SPATA16: variants seen among roughly 807,000 people sequenced by gnomAD.
The protein encoded by SPATA16 is spermatogenesis-associated protein 16.
In SPATA16, 36 loss-of-function variants were observed where a neutral mutation model predicts 63.3. The observed-to-expected ratio is 0.57, with a 90% CI of 0.44 to 0.75. The LOEUF is 0.75. Ranked by LOEUF, SPATA16 falls within the 30% of genes least tolerant of loss-of-function variation. The probability of loss-of-function intolerance (pLI) is 0.00; values close to 1 mark genes in which losing one functional copy is unlikely to be tolerated. For synonymous variants in SPATA16, 203 were observed against 216.7 expected, an observed-to-expected ratio of 0.94 and a Z score of 0.56; for missense variants, 646 against 679.3, an observed-to-expected ratio of 0.95 and a Z score of 0.54.
intron 5 of SPATA16, among the ~76,000 whole-genome samples, chr3:172,965,387 A>G (rs1349168386): frequency 6.6e-6 from 1 of 152,192 alleles, no homozygotes; most frequent in Non-Finnish European, 1.5e-5. Context: ...GCAGAAGTGG[A>G]ATCTTTAGCA....
chr3:173,025,529 C>A (rs1474509285), intron 3 of SPATA16, among the ~76,000 whole-genome samples: 2 of 151,820 alleles, frequency 1.3e-5, no homozygotes, highest in African/African-American at 4.8e-5. Flanking sequence ...TCTGTTTCGA[C>A]AAATACATAG....
chr3:172,972,800 G>C (rs1444253011), intron 5 of SPATA16, among the ~76,000 whole-genome samples: 2 of 152,136 alleles, frequency 1.3e-5, no homozygotes, highest in African/African-American at 4.8e-5. Context: ...AAAATGTACA[G>C]ACACTTGGCA....
In SPATA16 at chr3:173,060,113, C is replaced by T. The variant is rs369524764; in HGVS notation, c.613-11019G>A. On this transcript the variant is annotated intron_variant, in intron 2 of 10. Transcript: ENST00000351008. ...CTCTACTAAAAATATAAAAATTAGCCGGGCATGGTTGCGGGCGCCTGTAAT... is the reference window on the plus strand; with the variant it reads ...CTCTACTAAAAATATAAAAATTAGCTGGGCATGGTTGCGGGCGCCTGTAAT... Among the ~76,000 whole-genome samples the T allele has an allele frequency of 1.4e-4, 22 of 151,932 alleles. 1 individual carries two copies. The highest frequency in any genetic ancestry group is 2.6e-4 in the Admixed American group (4 of 15,268).
intron 2 of SPATA16, among the ~76,000 whole-genome samples, chr3:173,049,795 T>C (rs1236735625): frequency 6.6e-6 from 1 of 152,100 alleles, no homozygotes; most frequent in Non-Finnish European, 1.5e-5. Context: ...AAGAAAATAA[T>C]TAATTTTTTT....
intron 6 of SPATA16, among the ~76,000 whole-genome samples, chr3:172,947,709 A>G (rs977978106): frequency 2.0e-5 from 3 of 152,124 alleles, no homozygotes; most frequent in Non-Finnish European, 2.9e-5. Flanking sequence ...GTTCTCACAT[A>G]TAAGTGGGAG....
intron 2 of SPATA16, among the ~76,000 whole-genome samples, chr3:173,109,833 T>C (rs916822932): frequency 3.3e-5 from 5 of 152,184 alleles, no homozygotes; most frequent in Non-Finnish European, 7.4e-5. Context: ...AACTGTATTT[T>C]ATTTATATTT....
At chr3:172,911,101 G>T (rs1237889387) in intron 10 of SPATA16, among the ~76,000 whole-genome samples, 1 of 152,210 alleles carries the variant, frequency 6.6e-6, no homozygotes, top group African/African-American at 2.4e-5. Flanking sequence ...TTTGCTTCTT[G>T]TTTACTTCTG....
intron 4 of SPATA16, among the ~76,000 whole-genome samples, chr3:172,996,890 T>C (rs1248600186): frequency 1.3e-5 from 2 of 152,152 alleles, no homozygotes; most frequent in Non-Finnish European, 2.9e-5. Context: ...AATTGTACAA[T>C]AGGTAGTCTT....
intron 5 of SPATA16, among the ~76,000 whole-genome samples, chr3:172,967,085 A>G (rs985871990): frequency 2.6e-5 from 4 of 152,240 alleles, no homozygotes; most frequent in African/African-American, 7.2e-5. Context: ...AAATAACCTC[A>G]TGGAAACCAT....
chr3:173,121,779 A>G (rs1470258311), intron 1 of SPATA16, among the ~76,000 whole-genome samples: 1 of 152,176 alleles, frequency 6.6e-6, no homozygotes, highest in Non-Finnish European at 1.5e-5. Flanking sequence ...TATACCTTTG[A>G]AAAAGTTGTT....
At chr3:173,001,265 G>GTTTTTTTTTT (rs1553790831) in intron 4 of SPATA16, among the ~76,000 whole-genome samples, 1 of 133,972 alleles carries the variant, frequency 7.5e-6, no homozygotes, top group Non-Finnish European at 1.5e-5. Flanking sequence ...ATGCTTCTCA[G>GTTTTTTTTTT]TTGTTTTTTT....
At chr3:173,000,509 T>C (rs1698374811) in intron 4 of SPATA16, among the ~76,000 whole-genome samples, 1 of 152,184 alleles carries the variant, frequency 6.6e-6, no homozygotes, top group South Asian at 2.1e-4. Context: ...TATGATATGT[T>C]TAGGTGTAGT....
intron 2 of SPATA16, among the ~76,000 whole-genome samples, chr3:173,096,053 A>G (rs763698395): frequency 6.6e-6 from 1 of 152,110 alleles, no homozygotes; most frequent in Non-Finnish European, 1.5e-5. Context: ...ATGCTTTTAT[A>G]TAAGAACCTT....
At chr3:173,071,964 G>A (rs1385564681) in intron 2 of SPATA16, among the ~76,000 whole-genome samples, 1 of 152,200 alleles carries the variant, frequency 6.6e-6, no homozygotes, top group Non-Finnish European at 1.5e-5. Flanking sequence ...CACTGTTTGT[G>A]GGAGTGTAAA....
At chr3:172,916,238 T>C (rs1020673630) in intron 9 of SPATA16, 79 bp downstream of exon 9, 1 of 1,512,584 alleles carries the variant, frequency 6.6e-7, no homozygotes, top group Non-Finnish European at 9.0e-7. Context: ...AGGATTTTTT[T>C]TTTTTTTTTT....
intron 10 of SPATA16, among the ~76,000 whole-genome samples, chr3:172,899,365 T>A (rs1038932038): frequency 5.3e-5 from 8 of 152,030 alleles, no homozygotes; most frequent in African/African-American, 1.9e-4. Context: ...TTAATAATTT[T>A]ATTGTTATAG....
chr3:173,119,113 C>T (rs1019106639), intron 1 of SPATA16, among the ~76,000 whole-genome samples: 1 of 151,704 alleles, frequency 6.6e-6, no homozygotes, highest in African/African-American at 2.4e-5. Flanking sequence ...AATGAGAACA[C>T]ATGAACATAG....
At chr3:173,063,786 T>G (rs1187943386) in intron 2 of SPATA16, among the ~76,000 whole-genome samples, 1 of 152,200 alleles carries the variant, frequency 6.6e-6, no homozygotes, top group Non-Finnish European at 1.5e-5. Flanking sequence ...GGAGTGTATA[T>G]TTTGCTTAGA....
intron 2 of SPATA16, among the ~76,000 whole-genome samples, chr3:173,092,624 G>A (rs1182462515): frequency 6.6e-6 from 1 of 152,036 alleles, no homozygotes; most frequent in African/African-American, 2.4e-5. Flanking sequence ...GCTGGAAAAA[G>A]CCAAAACCCA....
Sources: gnomAD v4.1 joint callset for allele counts (sites outside exome capture counted in the v4.1 genomes callset) on GRCh38, gnomAD v4.1.1 for gene constraint, MANE v1.5 for transcripts, NCBI Gene and HGNC (gene_info 2026-07-23, HGNC 2026-07-21) for gene names.